Variants in TMEM123 observed in about 807,000 individuals in gnomAD.
The protein encoded by TMEM123 is transmembrane protein 123.
Under a neutral mutation model 19.7 loss-of-function variants are expected in TMEM123, and 16 were observed. That is an observed-to-expected ratio of 0.81 (90% CI 0.55 to 1.23). The LOEUF (loss-of-function observed/expected upper bound fraction) is 1.23. TMEM123 is among the 50% of genes most tolerant of loss of function. The probability of loss-of-function intolerance (pLI) is 0.00; values close to 1 mark genes in which losing one functional copy is unlikely to be tolerated. For missense variants in TMEM123, 313 were observed against 257.8 expected (o/e 1.21, Z -1.47); for synonymous variants, 118 against 99.4 (o/e 1.19, Z -1.12).
At chr11:102,431,644 G>A (rs1189429460) in intron 2 of TMEM123, among the ~76,000 whole-genome samples, 2 of 152,178 alleles carry the variant, frequency 1.3e-5, no homozygotes, top group Non-Finnish European at 2.9e-5. Context: ...TTTTAAAGCT[G>A]AATAGTATTC....
chr11:102,429,723 A>T (rs998497160), intron 2 of TMEM123, among the ~76,000 whole-genome samples: 3 of 152,186 alleles, frequency 2.0e-5, no homozygotes, highest in African/African-American at 7.2e-5. Flanking sequence ...CTTGTACTGT[A>T]AACTATTATA....
At chr11:102,436,866 C>T (rs1267546686) in intron 2 of TMEM123, among the ~76,000 whole-genome samples, 1 of 152,176 alleles carries the variant, frequency 6.6e-6, no homozygotes, top group Non-Finnish European at 1.5e-5. Flanking sequence ...TGAATTCATT[C>T]TCCTATTCAC....
chr11:102,397,110 A>T lies in TMEM123; in HGVS notation c.*1757T>A, dbSNP rs1005042613. ...TCTCCTTCAAACTAAACTAATCTAA[A>T]TGTATTTTTCAGAAAATTTCCTCCA... On this transcript the variant is annotated 3_prime_UTR_variant, in exon 5 of 5. Transcript: ENST00000398136. 2.0e-5 allele frequency: 3 copies of T among 152,136 alleles called. No individual in the cohort carries two copies. Among genetic ancestry groups the T allele is most frequent in the African/African-American group, 7.2e-5 (3 of 41,434 alleles). The allele number at this position is 152,136 out of a possible 1,614,324, so 9.4% of individuals were successfully genotyped here. A position where few individuals can be genotyped will look rare whatever the true frequency, so the allele number is the denominator to read the frequency against.
intron 1 of TMEM123, among the ~76,000 whole-genome samples, chr11:102,451,458 G>A (rs1308141936): frequency 6.6e-6 from 1 of 152,162 alleles, no homozygotes; most frequent in Non-Finnish European, 1.5e-5. Context: ...ATTCACCCAG[G>A]TTATTCCAGA....
At chr11:102,400,132 TTTGA>T (rs2092370675) in intron 4 of TMEM123, among the ~76,000 whole-genome samples, 1 of 152,212 alleles carries the variant, frequency 6.6e-6, no homozygotes, top group South Asian at 2.1e-4. Context: ...TATCAAGAAG[TTTGA>T]TTTACTTTTA....
rs774742710 is a variant in TMEM123 at position 102,448,872 on chromosome 11, T to A, written c.101-4A>T. 8.1e-6 allele frequency: 13 copies of A among 1,612,998 alleles called. No homozygotes were observed. Among genetic ancestry groups the A allele is most frequent in the Non-Finnish European group, 1.1e-5 (13 of 1,179,278 alleles). Reference sequence around the variant, plus strand: ...GAATTCTCTATGTTTGCAGATGCTGTAAAAATAAAGAAATATCCTGTTATG... The same window carrying A: ...GAATTCTCTATGTTTGCAGATGCTGAAAAAATAAAGAAATATCCTGTTATG... On this transcript the variant is annotated splice_polypyrimidine_tract_variant and splice_region_variant and intron_variant, in intron 1 of 4. Coordinates refer to ENST00000398136, the MANE Select transcript of TMEM123 (RefSeq NM_052932.3).
intron 2 of TMEM123, among the ~76,000 whole-genome samples, chr11:102,421,441 T>C (rs1276227089): frequency 6.6e-6 from 1 of 152,014 alleles, no homozygotes; most frequent in Non-Finnish European, 1.5e-5. Context: ...GGAATAAGCA[T>C]GTGTAATGTG....
chr11:102,448,698 G>A, intron 2 of TMEM123, 114 bp downstream of exon 2: 1 of 940,926 alleles, frequency 1.1e-6, no homozygotes, highest in Non-Finnish European at 1.7e-6. Flanking sequence ...CATGGGTGAA[G>A]AACTCAGGGT....
intron 2 of TMEM123, among the ~76,000 whole-genome samples, chr11:102,425,260 T>C (rs776413345): frequency 2.6e-5 from 4 of 152,224 alleles, no homozygotes; most frequent in Non-Finnish European, 5.9e-5. Flanking sequence ...TTGTATGGAA[T>C]GTAAGAACAA....
At chr11:102,415,484 C>G (rs1035896587) in intron 2 of TMEM123, among the ~76,000 whole-genome samples, 3 of 152,160 alleles carry the variant, frequency 2.0e-5, no homozygotes, top group Non-Finnish European at 4.4e-5. Flanking sequence ...CAAAATCATA[C>G]CAACCACACC....
intron 1 of TMEM123, among the ~76,000 whole-genome samples, chr11:102,451,589 T>C (rs1293459062): frequency 1.3e-5 from 2 of 152,192 alleles, no homozygotes; most frequent in South Asian, 4.1e-4. Flanking sequence ...CATGAAAACC[T>C]TGGGTTACTT....
chr11:102,426,200 G>A (rs910672353), intron 2 of TMEM123, among the ~76,000 whole-genome samples: 12 of 152,156 alleles, frequency 7.9e-5, no homozygotes, highest in Admixed American at 2.6e-4. Flanking sequence ...TTGCTTTTGA[G>A]TCTAAATAAC....
At chr11:102,413,779 G>A (rs536806699) in intron 2 of TMEM123, among the ~76,000 whole-genome samples, 11 of 152,190 alleles carry the variant, frequency 7.2e-5, no homozygotes, top group Admixed American at 7.2e-4. Flanking sequence ...ACCAGCGCAA[G>A]AACTCTGGCA....
Position 102,398,743 on chromosome 11 carries a change from C to A in TMEM123, c.*124G>T. On this transcript the variant is annotated 3_prime_UTR_variant, in exon 5 of 5. Coordinates refer to ENST00000398136, the MANE Select transcript of TMEM123 (RefSeq NM_052932.3). Reference sequence around the variant, plus strand: ...TTACATATTTACGTAATACACTGTACATTATATGCATGGCCTGTTTATACT... The same window carrying A: ...TTACATATTTACGTAATACACTGTAAATTATATGCATGGCCTGTTTATACT... 1.1e-6 allele frequency: 1 copy of A among 948,406 alleles called. No homozygotes were observed. The highest frequency in any genetic ancestry group is 1.4e-5 in the South Asian group (1 of 69,126). 58.7% of individuals were successfully genotyped at this position (948,406 alleles called of 1,614,324 possible). A position where few individuals can be genotyped will look rare whatever the true frequency, so the allele number is the denominator to read the frequency against.
At chr11:102,438,974 G>A (rs113812060) in intron 2 of TMEM123, among the ~76,000 whole-genome samples, 38 of 152,348 alleles carry the variant, frequency 2.5e-4, no homozygotes, top group African/African-American at 7.9e-4. Flanking sequence ...CCACACCCAC[G>A]AAGCCTTGCT....
chr11:102,448,890 C>A, intron 1 of TMEM123, 22 bp from the exon 2 acceptor site: 2 of 1,611,808 alleles, frequency 1.2e-6, no homozygotes, highest in Non-Finnish European at 8.5e-7. Flanking sequence ...AAGAAATATC[C>A]TGTTATGAAA....
chr11:102,402,873 G>T (rs879729648), intron 2 of TMEM123, among the ~76,000 whole-genome samples: 5 of 152,178 alleles, frequency 3.3e-5, no homozygotes, highest in Non-Finnish European at 7.4e-5. Flanking sequence ...AGCCAATTTT[G>T]TATGAAAAGA....
intron 2 of TMEM123, among the ~76,000 whole-genome samples, chr11:102,406,554 T>C (rs1951956733): frequency 6.6e-6 from 1 of 152,084 alleles, no homozygotes; most frequent in Non-Finnish European, 1.5e-5. Context: ...CCATGGAAGA[T>C]AACTGACATG....
intron 2 of TMEM123, among the ~76,000 whole-genome samples, chr11:102,420,744 T>C (rs942450326): frequency 6.6e-6 from 1 of 152,204 alleles, no homozygotes; most frequent in South Asian, 2.1e-4. Context: ...CTGTTAACCT[T>C]TAACACATTG....
Sources: allele counts gnomAD v4.1 joint callset (sites outside exome capture counted in the v4.1 genomes callset), GRCh38; gene constraint gnomAD v4.1.1; transcripts MANE v1.5; gene names NCBI Gene and HGNC (gene_info 2026-07-23, HGNC 2026-07-21).